Variants in EIPR1 observed in about 807,000 individuals in gnomAD.
The protein encoded by EIPR1 is EARP complex and GARP complex interacting protein 1, also known as EARP and GARP complex-interacting protein 1.
Under a neutral mutation model 48.1 loss-of-function variants are expected in EIPR1, and 25 were observed. The ratio of observed to expected loss-of-function variants is 0.52; its 90% CI spans 0.38 to 0.73. The LOEUF is 0.73. EIPR1 is among the 30% of genes least tolerant of loss of function. EIPR1 has a pLI of 0.00. For synonymous variants in EIPR1, 204 were observed against 201.9 expected, an observed-to-expected ratio of 1.01 and a Z score of -0.09; for missense variants, 415 against 506.2, an observed-to-expected ratio of 0.82 and a Z score of 1.73.
chr2:3,348,350 G>A (rs540843767), intron 2 of EIPR1, among the ~76,000 whole-genome samples: 94 of 152,276 alleles, frequency 6.2e-4, no homozygotes, highest in Non-Finnish European at 1.2e-3. Context: ...TCCAGAGGAA[G>A]ATTAAGACTC....
chr2:3,302,580 C>T (rs1340161496), intron 3 of EIPR1, among the ~76,000 whole-genome samples: 1 of 152,222 alleles, frequency 6.6e-6, no homozygotes. Context: ...TGGTGGATGG[C>T]GACAGGCCGG....
intron 5 of EIPR1, among the ~76,000 whole-genome samples, chr2:3,206,797 A>G (rs1471362852): frequency 6.6e-6 from 1 of 152,164 alleles, no homozygotes; most frequent in East Asian, 1.9e-4. Context: ...TGCAACCCCA[A>G]TTAGACATTA....
intron 4 of EIPR1, among the ~76,000 whole-genome samples, chr2:3,246,804 GC>G (rs1666814372): frequency 1.3e-5 from 1 of 79,024 alleles, no homozygotes; most frequent in Non-Finnish European, 2.5e-5. Flanking sequence ...AGGGAGGGAG[GC>G]AGGGAGGGAG....
rs112366267 is a variant in EIPR1, at chr2:3,269,335, T to C, written c.260-11880A>G. 8.4e-5 allele frequency among the ~76,000 whole-genome samples: 8 copies of C among 94,834 alleles called. 1 individual carries two copies. Among genetic ancestry groups the C allele is most frequent in the Admixed American group, 1.1e-4 (1 of 9,246 alleles). The allele number at this position is 94,834 out of a possible 152,430, so 62.2% of individuals were successfully genotyped here. A position where few individuals can be genotyped will look rare whatever the true frequency, so the allele number is the denominator to read the frequency against. On this transcript the variant is annotated intron_variant, in intron 3 of 8. Transcript: ENST00000382125. ...ACTCAGTCATCGCACTCAATCATCA[T>C]CACACTCAGTCATCGCACTCAGTCA...
intron 5 of EIPR1, chr2:3,209,007 G>A (rs1460544459): frequency 6.9e-7 from 1 of 1,455,080 alleles, no homozygotes; most frequent in Admixed American, 2.7e-5. Context: ...GCCAGAAGCG[G>A]GAACAATAGT....
At chr2:3,244,504 A>G (rs2103194003) in intron 4 of EIPR1, among the ~76,000 whole-genome samples, 1 of 152,274 alleles carries the variant, frequency 6.6e-6, no homozygotes, top group South Asian at 2.1e-4. Flanking sequence ...CTAATCCCCA[A>G]AGTGAAAGTA....
chr2:3,251,832 T>G (rs1317042534), intron 4 of EIPR1, among the ~76,000 whole-genome samples: 1 of 152,194 alleles, frequency 6.6e-6, no homozygotes, highest in East Asian at 1.9e-4. Flanking sequence ...AGAGACAATT[T>G]CATAATCACA....
intron 2 of EIPR1, among the ~76,000 whole-genome samples, chr2:3,340,787 C>G (rs1318513239): frequency 6.6e-6 from 1 of 152,076 alleles, no homozygotes; most frequent in Non-Finnish European, 1.5e-5. Context: ...GCAAACAGCT[C>G]AGATGTCCAT....
intron 3 of EIPR1, among the ~76,000 whole-genome samples, chr2:3,270,015 T>G (rs1286912555): frequency 4.6e-5 from 7 of 152,202 alleles, no homozygotes; most frequent in Non-Finnish European, 7.3e-5. Flanking sequence ...TGACAACAAC[T>G]GGTAAGGAGA....
intron 1 of EIPR1, among the ~76,000 whole-genome samples, chr2:3,367,273 C>T (rs1219771207): frequency 6.6e-6 from 1 of 152,148 alleles, no homozygotes; most frequent in African/African-American, 2.4e-5. Context: ...CATAATAGTG[C>T]CTTATTGCAG....
intron 4 of EIPR1, among the ~76,000 whole-genome samples, chr2:3,247,925 C>T (rs1666881657): frequency 6.6e-6 from 1 of 152,070 alleles, no homozygotes; most frequent in Non-Finnish European, 1.5e-5. Context: ...ATTAATTCTT[C>T]TTATTTATCT....
At chr2:3,258,870 C>T (rs1667243160) in intron 3 of EIPR1, among the ~76,000 whole-genome samples, 1 of 152,138 alleles carries the variant, frequency 6.6e-6, no homozygotes, top group Non-Finnish European at 1.5e-5. Flanking sequence ...GTTCACACTT[C>T]CAACTTTACA....
intron 2 of EIPR1, among the ~76,000 whole-genome samples, chr2:3,350,393 G>A (rs1353789112): frequency 6.6e-6 from 1 of 152,082 alleles, no homozygotes; most frequent in Non-Finnish European, 1.5e-5. Context: ...GGGAATCCAC[G>A]CCCATGATCC....
At chr2:3,257,098 C>T (rs1049880807) in intron 4 of EIPR1, among the ~76,000 whole-genome samples, 5 of 152,186 alleles carry the variant, frequency 3.3e-5, no homozygotes, top group Admixed American at 2.0e-4. Flanking sequence ...GGGATGCAGG[C>T]GCGCTGGCTA....
intron 3 of EIPR1, among the ~76,000 whole-genome samples, chr2:3,316,278 C>A (rs371726813): frequency 1.3e-5 from 2 of 151,814 alleles, no homozygotes; most frequent in Non-Finnish European, 2.9e-5. Flanking sequence ...CTCCACCACA[C>A]CCAGGACCCC....
Position 3,366,708 on chromosome 2 carries a change from G to C in EIPR1, c.42+10940C>G, listed in dbSNP as rs528350469. On this transcript the variant is annotated intron_variant, in intron 1 of 8. Transcript: ENST00000382125. ...AAAGACCAACATAGAGGGTAATTAA[G>C]ATAGAAAAATGCTGAGCAAATGAAA... Among the ~76,000 whole-genome samples the C allele has an allele frequency of 4.6e-5, 7 of 152,306 alleles. No homozygotes were observed. In the South Asian group the frequency reaches 1.0e-3, roughly 23 times the overall value.
chr2:3,309,932 C>T lies in EIPR1; in HGVS notation c.259+28085G>A, dbSNP rs1056024109. ...CAGGCTCTGGCAGCGCCCCTGTGTA[C>T]GCACAGGTGTGCAGGCTCTGGCAGT... On this transcript the variant is annotated intron_variant, in intron 3 of 8. Transcript: ENST00000382125. 4.6e-5 allele frequency among the ~76,000 whole-genome samples: 7 copies of T among 152,058 alleles called. No homozygotes were observed. In the East Asian group the frequency reaches 9.7e-4, roughly 21 times the overall value.
chr2:3,198,061 A>T, intron 5 of EIPR1, among the ~76,000 whole-genome samples: 1 of 152,256 alleles, frequency 6.6e-6, no homozygotes, highest in Non-Finnish European at 1.5e-5. Flanking sequence ...AACAAGTCCC[A>T]GAGGTCCCCA....
chr2:3,202,233 G>A (rs185113256), intron 5 of EIPR1, among the ~76,000 whole-genome samples: 6 of 152,186 alleles, frequency 3.9e-5, no homozygotes, highest in East Asian at 1.9e-4. Flanking sequence ...CACCGCACCC[G>A]GCCTAGGTTC....
Sources: allele counts gnomAD v4.1 joint callset (sites outside exome capture counted in the v4.1 genomes callset), GRCh38; gene constraint gnomAD v4.1.1; transcripts MANE v1.5; gene names NCBI Gene and HGNC (gene_info 2026-07-23, HGNC 2026-07-21).